Variants in CPNE8 observed in about 807,000 individuals in gnomAD.
CPNE8 encodes the protein copine 8, also known as copine-8.
Under a neutral mutation model 81.5 loss-of-function variants are expected in CPNE8, and 45 were observed. The observed-to-expected ratio is 0.55, with a 90% CI of 0.44 to 0.71. The LOEUF is 0.71. CPNE8 is among the 30% of genes least tolerant of loss of function. CPNE8 has a pLI of 0.00. For synonymous variants in CPNE8, 252 were observed against 226.3 expected (o/e 1.11, Z -1.02); for missense variants, 594 against 672.1 (o/e 0.88, Z 1.28).
chr12:38,728,984 T>A (rs1940769467), intron 11 of CPNE8, among the ~76,000 whole-genome samples: 1 of 152,274 alleles, frequency 6.6e-6, no homozygotes, highest in East Asian at 1.9e-4. Context: ...TCTCATCAGA[T>A]GTGGCACCAG....
intron 6 of CPNE8, among the ~76,000 whole-genome samples, chr12:38,796,862 C>T (rs1719860): frequency 0.099 from 15,082 of 152,158 alleles, 897 homozygotes; most frequent in East Asian, 0.31. Context: ...GCTTTTCCGA[C>T]GGGCTTAAAA....
chr12:38,842,856 GGCGTGAGCCACCGTGC>G (rs1943496329), intron 4 of CPNE8, among the ~76,000 whole-genome samples: 1 of 152,116 alleles, frequency 6.6e-6, no homozygotes, highest in African/African-American at 2.4e-5. Flanking sequence ...TGGGATTACA[GGCGTGAGCCACCGTGC>G]CTAGCCTAAA....
intron 3 of CPNE8, among the ~76,000 whole-genome samples, chr12:38,861,124 A>C: frequency 6.6e-6 from 1 of 152,328 alleles, no homozygotes; most frequent in South Asian, 2.1e-4. Flanking sequence ...TAACTGAAAT[A>C]AACAAGTCAC....
At chr12:38,702,012 G>T (rs776319423) in intron 14 of CPNE8, among the ~76,000 whole-genome samples, 2 of 151,966 alleles carry the variant, frequency 1.3e-5, no homozygotes, top group Non-Finnish European at 2.9e-5. Flanking sequence ...TAAGAAGAAG[G>T]TTCAATTAAG....
chr12:38,678,042 A>T (rs1939331002), intron 16 of CPNE8, among the ~76,000 whole-genome samples: 1 of 152,126 alleles, frequency 6.6e-6, no homozygotes, highest in Non-Finnish European at 1.5e-5. Flanking sequence ...GATAGCAATA[A>T]TCATAAGTGC....
At chr12:38,833,346 T>TCC (rs1943321958) in intron 5 of CPNE8, among the ~76,000 whole-genome samples, 1 of 126,018 alleles carries the variant, frequency 7.9e-6, no homozygotes. Context: ...AGTGAGACCT[T>TCC]ATCTCAAAAA....
At chr12:38,740,723 C>G (rs1372387539) in intron 10 of CPNE8, among the ~76,000 whole-genome samples, 1 of 152,166 alleles carries the variant, frequency 6.6e-6, no homozygotes, top group African/African-American at 2.4e-5. Context: ...ACCAGCCTTG[C>G]ATCCCAGGGA....
chr12:38,839,930 T>C lies in CPNE8; in HGVS notation c.316A>G (p.Asn106Asp). 1.3e-6 allele frequency: 2 copies of C among 1,581,730 alleles called. No homozygotes were observed. The highest frequency in any genetic ancestry group is 1.7e-6 in the Non-Finnish European group (2 of 1,157,556). ...DLYDVDSKSP[N>D]LSKHDFLGQV... ...TATGAACTTACATGTTTGGATAAGT[T>C]GGGGCTCTTTGAATCAACATCATAC... The change falls in exon 5 of 20, where the codon AAC becomes GAC. Residue 106 changes from asparagine to aspartate, a missense_variant. By Grantham distance (23) the Asn-to-Asp change is conservative. Coordinates refer to ENST00000331366, the MANE Select transcript of CPNE8 (RefSeq NM_153634.3).
intron 13 of CPNE8, among the ~76,000 whole-genome samples, chr12:38,704,826 G>GTATACATATGTGTATATA (rs1940051616): frequency 2.0e-5 from 1 of 50,200 alleles, no homozygotes; most frequent in Non-Finnish European, 5.5e-5. Flanking sequence ...GTATGTATGT[G>GTATACATATGTGTATATA]TATATATATA....
chr12:38,845,284 T>G (rs1943538518), intron 4 of CPNE8, among the ~76,000 whole-genome samples: 1 of 152,138 alleles, frequency 6.6e-6, no homozygotes, highest in African/African-American at 2.4e-5. Context: ...CTCCAGCCTT[T>G]CCTTTTGTTC....
At chr12:38,759,631 C>T (rs1359250009) in intron 10 of CPNE8, among the ~76,000 whole-genome samples, 1 of 152,074 alleles carries the variant, frequency 6.6e-6, no homozygotes, top group Non-Finnish European at 1.5e-5. Flanking sequence ...TGTGATACAA[C>T]TTAAAGACTG....
intron 6 of CPNE8, among the ~76,000 whole-genome samples, chr12:38,796,380 A>C (rs1942473737): frequency 6.6e-6 from 1 of 152,342 alleles, no homozygotes; most frequent in South Asian, 2.1e-4. Context: ...GGGCAATAAA[A>C]ATTTCTTTAA....
intron 9 of CPNE8, among the ~76,000 whole-genome samples, chr12:38,761,688 T>C (rs1372569238): frequency 6.6e-6 from 1 of 152,176 alleles, no homozygotes; most frequent in Non-Finnish European, 1.5e-5. Flanking sequence ...TTCAGGTATA[T>C]TGTGGGAAAA....
chr12:38,839,992 C>A (rs763302562), intron 4 of CPNE8, 37 bp from the exon 5 acceptor site: 2 of 1,525,610 alleles, frequency 1.3e-6, no homozygotes, highest in Non-Finnish European at 1.8e-6. Context: ...ATTATTTCCA[C>A]AAAATACAGC....
chr12:38,672,567 G>T (rs1939199796), intron 18 of CPNE8, among the ~76,000 whole-genome samples: 2 of 152,166 alleles, frequency 1.3e-5, no homozygotes, highest in Admixed American at 1.3e-4. Flanking sequence ...CTAGCCATGG[G>T]AGACACAATG....
intron 5 of CPNE8, among the ~76,000 whole-genome samples, chr12:38,832,294 C>A (rs539513462): frequency 6.6e-6 from 1 of 152,294 alleles, no homozygotes; most frequent in African/African-American, 2.4e-5. Flanking sequence ...ATGACATACA[C>A]CACTGGACTC....
intron 16 of CPNE8, chr12:38,679,626 G>A (rs1158777460): frequency 5.1e-6 from 5 of 984,586 alleles, no homozygotes; most frequent in East Asian, 1.1e-4. Flanking sequence ...TATCACCTTC[G>A]GCACCACAAA....
At position 38,833,729 on chromosome 12, in the gene CPNE8, T is replaced by C. The variant is rs575999092; in HGVS notation, c.331-4274A>G. On this transcript the variant is annotated intron_variant, in intron 5 of 19. Transcript: ENST00000331366. ...TCCTGACCTCGTGATCTGCCCGCCT[T>C]GTCCTCCCAAAGTGCTGGGATTACA... 9.2e-5 allele frequency among the ~76,000 whole-genome samples: 14 copies of C among 152,050 alleles called. No homozygotes were observed. In the South Asian group the frequency reaches 1.7e-3, roughly 18 times the overall value.
chr12:38,672,241 A>G (rs2136644909), intron 18 of CPNE8, among the ~76,000 whole-genome samples: 2 of 152,332 alleles, frequency 1.3e-5, no homozygotes, highest in African/African-American at 4.8e-5. Flanking sequence ...GTCTTCTACA[A>G]TCCCCATTGG....
Sources: allele counts gnomAD v4.1 joint callset (sites outside exome capture counted in the v4.1 genomes callset), GRCh38; gene constraint gnomAD v4.1.1; transcripts MANE v1.5; gene names NCBI Gene and HGNC (gene_info 2026-07-23, HGNC 2026-07-21).